EYS: variants seen among roughly 807,000 people sequenced by gnomAD.
The protein encoded by EYS is protein eyes shut homolog.
A neutral mutation model predicts 282.1 loss-of-function variants in EYS; 250 were observed. The observed-to-expected ratio is 0.89, with a 90% CI of 0.80 to 0.98. EYS has a LOEUF of 0.98. EYS is among the 50% of genes least tolerant of loss of function. EYS has a pLI of 0.00. For synonymous variants in EYS, 1,355 were observed against 1,282.9 expected (o/e 1.06, Z -1.20); for missense variants, 4,016 against 3,709.0 (o/e 1.08, Z -2.15).
intron 28 of EYS, among the ~76,000 whole-genome samples, chr6:64,395,346 A>C (rs1402730782): frequency 6.6e-6 from 1 of 152,142 alleles, no homozygotes; most frequent in African/African-American, 2.4e-5. Context: ...TGTTTATTGC[A>C]GCATTATTCA....
intron 26 of EYS, among the ~76,000 whole-genome samples, chr6:64,582,575 A>G (rs1347165164): frequency 7.3e-6 from 1 of 136,664 alleles, no homozygotes. Context: ...TAGTTTGCCA[A>G]TCCTTGGTCT....
intron 29 of EYS, among the ~76,000 whole-genome samples, chr6:64,370,852 G>A (rs990857494): frequency 1.3e-5 from 2 of 151,904 alleles, no homozygotes; most frequent in African/African-American, 4.8e-5. Flanking sequence ...TATTTCTGTG[G>A]GTTCAGTGGC....
chr6:63,931,166 C>T (rs1764881675), intron 35 of EYS, among the ~76,000 whole-genome samples: 1 of 152,176 alleles, frequency 6.6e-6, no homozygotes, highest in Non-Finnish European at 1.5e-5. Context: ...TTCAGCCTCA[C>T]TCTTTTTTAA....
intron 12 of EYS, among the ~76,000 whole-genome samples, chr6:65,155,177 T>C (rs182737383): frequency 1.3e-5 from 2 of 151,622 alleles, no homozygotes; most frequent in Non-Finnish European, 3.0e-5. Context: ...TTATTTCAGG[T>C]AACATTCTAT....
At chr6:65,178,033 A>G (rs1765271366) in intron 12 of EYS, among the ~76,000 whole-genome samples, 1 of 151,890 alleles carries the variant, frequency 6.6e-6, no homozygotes, top group Non-Finnish European at 1.5e-5. Flanking sequence ...AGCTTGCAGA[A>G]ACAGACAAAT....
intron 5 of EYS, among the ~76,000 whole-genome samples, chr6:65,411,827 T>G (rs2150370375): frequency 6.6e-6 from 1 of 152,148 alleles, no homozygotes; most frequent in African/African-American, 2.4e-5. Context: ...TTTTTTTTTT[T>G]TCGGTTAATT....
chr6:63,806,417 G>C (rs1353562476), intron 36 of EYS, 45 bp from the exon 37 acceptor site: 1 of 1,446,618 alleles, frequency 6.9e-7, no homozygotes, highest in Non-Finnish European at 9.2e-7. Context: ...ACCTGTACAT[G>C]TATTTGTAAA....
chr6:64,522,290 T>A (rs1268255040), intron 26 of EYS, among the ~76,000 whole-genome samples: 1 of 151,784 alleles, frequency 6.6e-6, no homozygotes, highest in Non-Finnish European at 1.5e-5. Flanking sequence ...ATATCACACA[T>A]AGAAGCATAT....
chr6:64,278,307 T>A (rs899923585), intron 30 of EYS, among the ~76,000 whole-genome samples: 1 of 152,156 alleles, frequency 6.6e-6, no homozygotes, highest in Admixed American at 6.5e-5. Flanking sequence ...GAATAAAATA[T>A]CAAGATCATA....
chr6:64,529,231 A>G (rs960481685), intron 26 of EYS, among the ~76,000 whole-genome samples: 2 of 152,058 alleles, frequency 1.3e-5, no homozygotes, highest in Non-Finnish European at 2.9e-5. Flanking sequence ...TGGCCTCAAC[A>G]AACTTTGTAG....
At chr6:65,490,914 T>C (rs1007444402) in intron 4 of EYS, among the ~76,000 whole-genome samples, 2 of 152,136 alleles carry the variant, frequency 1.3e-5, no homozygotes, top group Non-Finnish European at 2.9e-5. Flanking sequence ...CCCCAGACTA[T>C]AATATCCAAA....
chr6:65,704,694 T>G (rs1161704124), intron 1 of EYS, among the ~76,000 whole-genome samples: 3 of 152,188 alleles, frequency 2.0e-5, no homozygotes, highest in African/African-American at 7.2e-5. Flanking sequence ...ATCAGAAATT[T>G]TAGTTAGCAC....
At chr6:64,899,610 T>G (rs564039949) in intron 18 of EYS, among the ~76,000 whole-genome samples, 1 of 152,196 alleles carries the variant, frequency 6.6e-6, no homozygotes, top group East Asian at 1.9e-4. Flanking sequence ...AACCAAATCA[T>G]GAGTAAACTC....
intron 1 of EYS, among the ~76,000 whole-genome samples, chr6:65,655,190 AT>A (rs901987058): frequency 6.6e-6 from 1 of 151,642 alleles, no homozygotes; most frequent in Non-Finnish European, 1.5e-5. Flanking sequence ...TATTAGAAAA[AT>A]TCCAAATAAT....
chr6:64,757,806 A>T (rs1188124468), intron 22 of EYS, among the ~76,000 whole-genome samples: 1 of 145,418 alleles, frequency 6.9e-6, no homozygotes, highest in Non-Finnish European at 1.5e-5. Context: ...TTTGTTTGAG[A>T]CGGAGTCTCG....
chr6:64,220,840 CT>C (rs1344422456), intron 31 of EYS, among the ~76,000 whole-genome samples: 1 of 152,100 alleles, frequency 6.6e-6, no homozygotes, highest in African/African-American at 2.4e-5. Flanking sequence ...GGATTCCAAT[CT>C]CAATTCCAGA....
intron 12 of EYS, among the ~76,000 whole-genome samples, chr6:65,277,061 T>C (rs1768067396): frequency 6.6e-6 from 1 of 152,088 alleles, no homozygotes; most frequent in Non-Finnish European, 1.5e-5. Context: ...TGTGACGCCA[T>C]TAGAAAATGA....
intron 22 of EYS, among the ~76,000 whole-genome samples, chr6:64,627,937 G>A (rs1394690823): frequency 1.3e-5 from 2 of 152,210 alleles, no homozygotes; most frequent in African/African-American, 2.4e-5. Flanking sequence ...AAAATTAGCC[G>A]GGCGTGGTGG....
intron 32 of EYS, among the ~76,000 whole-genome samples, chr6:64,070,984 C>A (rs1771552462): frequency 6.6e-6 from 1 of 151,972 alleles, no homozygotes; most frequent in Non-Finnish European, 1.5e-5. Context: ...TGGATACACT[C>A]GGAGTATCCC....
Sources: gnomAD v4.1 joint callset for allele counts (sites outside exome capture counted in the v4.1 genomes callset) on GRCh38, gnomAD v4.1.1 for gene constraint, MANE v1.5 for transcripts, NCBI Gene and HGNC (gene_info 2026-07-23, HGNC 2026-07-21) for gene names.